IARS1: variants seen among roughly 807,000 people sequenced by gnomAD.
IARS1 encodes the protein isoleucyl-tRNA synthetase 1, also known as isoleucine--tRNA ligase, cytoplasmic.
IARS1 carries 124 observed loss-of-function variants against 168.2 expected under a neutral mutation model. The observed-to-expected ratio is 0.74, with a 90% confidence interval of 0.64 to 0.86. The LOEUF (loss-of-function observed/expected upper bound fraction) is 0.86, where lower values mean the gene tolerates loss of function less well. Among genes scored for constraint, IARS1 ranks in the 40% least tolerant of loss-of-function variants. The pLI is 0.00. For synonymous variants in IARS1, 532 were observed against 529.4 expected (o/e 1.00, Z -0.07); for missense variants, 1,452 against 1,515.8 (o/e 0.96, Z 0.70).
chr9:92,230,708 G>A (rs565428826), intron 30 of IARS1, among the ~76,000 whole-genome samples: 1 of 152,304 alleles, frequency 6.6e-6, no homozygotes, highest in South Asian at 2.1e-4. Flanking sequence ...TTTCCAGAGT[G>A]ATCATACCAT....
At chr9:92,214,491 G>C (rs949959860) in intron 33 of IARS1, among the ~76,000 whole-genome samples, 1 of 152,158 alleles carries the variant, frequency 6.6e-6, no homozygotes, top group Non-Finnish European at 1.5e-5. Context: ...AGTGATTTCT[G>C]AATTTCCATC....
chr9:92,247,436 G>A lies in IARS1; in HGVS notation c.2732C>T (p.Ala911Val). Residue 911 changes from alanine (A) to valine (V), a missense_variant, in exon 26 of 34, where the codon GCA (alanine) becomes GTA (valine). Physicochemically the swap from Ala to Val is moderately conservative, Grantham distance 64. Transcript: ENST00000443024. ...LGKRLKGAFK[A>V]VMTSIKQLSS... ...CAACTGCTTGATGGACGTCATCACT[G>A]CCTTAAAGGCTCCCTTCAGACGCTT... 1 of 1,614,144 alleles carries A rather than the reference G, an allele frequency of 6.2e-7. No individual in the cohort carries two copies. The highest frequency in any genetic ancestry group is 8.5e-7 in the Non-Finnish European group (1 of 1,180,038).
intron 4 of IARS1, chr9:92,287,265 A>C (rs897454674): frequency 6.5e-6 from 1 of 153,834 alleles, no homozygotes; most frequent in African/African-American, 2.4e-5. Flanking sequence ...CAAAGGACTA[A>C]ATAAATGTTC....
At chr9:92,284,944 C>T (rs1489966431) in intron 6 of IARS1, among the ~76,000 whole-genome samples, 1 of 152,140 alleles carries the variant, frequency 6.6e-6, no homozygotes, top group Non-Finnish European at 1.5e-5. Flanking sequence ...TAGAAATCAT[C>T]ATACCTGCCT....
In IARS1 at chr9:92,268,178, T is replaced by C; in HGVS notation, c.1427A>G (p.Glu476Gly). The change falls in exon 14 of 34, where the codon GAG becomes GGG. Residue 476 changes from glutamate to glycine, a missense_variant. Glu to Gly is a moderately conservative substitution (Grantham distance 98, BLOSUM62 -2). Transcript: ENST00000443024. Reference sequence around the variant, plus strand: ...GGAAATACTGCCATGCCTCACCTCCTCAAAGTCATCGCTGACCCACAGTGG... The same window carrying C: ...GGAAATACTGCCATGCCTCACCTCCCCAAAGTCATCGCTGACCCACAGTGG... The part of the protein sequence containing the change: ...PIPLWVSDDF[E>G]EVVCIGSVAE... The C allele has an allele frequency of 6.3e-7, 1 of 1,595,956 alleles. No individual in the cohort carries two copies. The highest frequency in any genetic ancestry group is 8.5e-7 in the Non-Finnish European group (1 of 1,174,606).
intron 20 of IARS1, among the ~76,000 whole-genome samples, chr9:92,255,510 C>T (rs968325686): frequency 6.6e-6 from 1 of 152,176 alleles, no homozygotes; most frequent in African/African-American, 2.4e-5. Flanking sequence ...TTTTGAATCT[C>T]TGTAAAATTA....
At chr9:92,238,985 T>A (rs1827966365) in intron 30 of IARS1, among the ~76,000 whole-genome samples, 1 of 152,194 alleles carries the variant, frequency 6.6e-6, no homozygotes, top group African/African-American at 2.4e-5. Context: ...AGTACATCAC[T>A]TCACTTAAAG....
At chr9:92,289,582 C>T (rs921113444) in intron 1 of IARS1, among the ~76,000 whole-genome samples, 156 bp from the exon 2 acceptor site, 2 of 152,100 alleles carry the variant, frequency 1.3e-5, no homozygotes, top group African/African-American at 4.8e-5. Context: ...AAAAAGTGTA[C>T]AATTCAGTGG....
At chr9:92,251,204 T>C in intron 22 of IARS1, 2 of 461,558 alleles carry the variant, frequency 4.3e-6, no homozygotes, top group African/African-American at 2.0e-5. Context: ...GGTGATGAGA[T>C]CAGGCATGGA....
chr9:92,247,633 A>T, intron 25 of IARS1, 82 bp from the exon 26 acceptor site: 4 of 1,226,210 alleles, frequency 3.3e-6, no homozygotes, highest in Non-Finnish European at 4.6e-6. Flanking sequence ...CAGCAGCATT[A>T]TTCCTAACTG....
At chr9:92,250,068 C>T (rs545652938) in intron 24 of IARS1, 119 bp downstream of exon 24, 13 of 844,124 alleles carry the variant, frequency 1.5e-5, no homozygotes, top group Non-Finnish European at 2.6e-5. Flanking sequence ...AAGTCATTCA[C>T]ACCCTCACTG....
At chr9:92,212,103 C>T (rs952557700) in intron 33 of IARS1, among the ~76,000 whole-genome samples, 5 of 152,122 alleles carry the variant, frequency 3.3e-5, no homozygotes, top group African/African-American at 9.7e-5. Context: ...AGCAGCAATC[C>T]TAGATGTGAG....
chr9:92,284,805 T>C (rs901170134), intron 6 of IARS1, among the ~76,000 whole-genome samples: 2 of 152,116 alleles, frequency 1.3e-5, no homozygotes, highest in Admixed American at 6.5e-5. Context: ...TATAGCAATA[T>C]ATTAAGATTT....
At chr9:92,283,622 C>G (rs1398960892) in intron 6 of IARS1, among the ~76,000 whole-genome samples, 2 of 152,132 alleles carry the variant, frequency 1.3e-5, no homozygotes, top group African/African-American at 2.4e-5. Context: ...GCCTGGGCAT[C>G]AGAGTGAGAC....
intron 20 of IARS1, among the ~76,000 whole-genome samples, chr9:92,254,479 G>T (rs1216396322): frequency 6.6e-6 from 1 of 152,246 alleles, no homozygotes; most frequent in African/African-American, 2.4e-5. Context: ...GCAACCGGCA[G>T]AGCTGCTCTC....
rs749160746 is a variant in IARS1, at chr9:92,270,961, AAC to A, written c.1205+22_1205+23del. 114 of 1,539,620 alleles carry A rather than the reference AAC, an allele frequency of 7.4e-5. 1 individual carries two copies. The South Asian group carries it at 1.3e-3, about 18-fold the overall frequency. On this transcript the variant is annotated intron_variant, in intron 12 of 33. Transcript: ENST00000443024. The stretch of plus-strand genomic sequence containing the variant: ...AGCACAGACTGGAAGCTCTAGCTAC[AAC>A]ACAGTCTTTGTTTCTTCTGACCTCC...
intron 14 of IARS1, among the ~76,000 whole-genome samples, chr9:92,267,018 T>C (rs969128810): frequency 6.6e-6 from 1 of 152,250 alleles, no homozygotes; most frequent in African/African-American, 2.4e-5. Flanking sequence ...ATCATAATCT[T>C]GTGGGACCAC....
At chr9:92,285,071 A>G (rs1835224247) in intron 6 of IARS1, among the ~76,000 whole-genome samples, 1 of 152,232 alleles carries the variant, frequency 6.6e-6, no homozygotes, top group Non-Finnish European at 1.5e-5. Flanking sequence ...ATGAAACAAG[A>G]ATTCCAAACA....
chr9:92,221,658 G>A (rs1402846482), intron 33 of IARS1, among the ~76,000 whole-genome samples: 1 of 152,204 alleles, frequency 6.6e-6, no homozygotes, highest in African/African-American at 2.4e-5. Context: ...GAGAACGGGA[G>A]GAGGAGAAAA....
Sources: gnomAD v4.1 joint callset for allele counts (sites outside exome capture counted in the v4.1 genomes callset) on GRCh38, gnomAD v4.1.1 for gene constraint, MANE v1.5 for transcripts, NCBI Gene and HGNC (gene_info 2026-07-23, HGNC 2026-07-21) for gene names.